The following KIAA1217 variants were observed in gnomAD, a reference collection of about 807,000 sequenced individuals.
The protein encoded by KIAA1217 is KIAA1217, also known as sickle tail protein homolog.
In KIAA1217, 88 loss-of-function variants were observed where a neutral mutation model predicts 163.9. The observed-to-expected ratio is 0.54, with a 90% CI of 0.45 to 0.64. KIAA1217 has a LOEUF of 0.64. KIAA1217 is among the 30% of genes least tolerant of loss of function. The pLI is 0.00. For missense variants in KIAA1217, 2,372 were observed against 2,475.0 expected, an observed-to-expected ratio of 0.96 and a Z score of 0.88; for synonymous variants, 903 against 923.1, an observed-to-expected ratio of 0.98 and a Z score of 0.39.
At chr10:23,915,911 G>T (rs1281574778) in intron 1 of KIAA1217, among the ~76,000 whole-genome samples, 1 of 152,098 alleles carries the variant, frequency 6.6e-6, no homozygotes, top group Non-Finnish European at 1.5e-5. Flanking sequence ...TATGGGGGAA[G>T]GGAGAAGCAC....
At chr10:24,434,098 G>A (rs1160930845) in intron 4 of KIAA1217, among the ~76,000 whole-genome samples, 1 of 134,588 alleles carries the variant, frequency 7.4e-6, no homozygotes, top group Non-Finnish European at 1.5e-5. Flanking sequence ...GTACAATGGT[G>A]CGATCTCCGT....
chr10:23,806,082 T>G (rs2130969935), intron 1 of KIAA1217, among the ~76,000 whole-genome samples: 1 of 150,940 alleles, frequency 6.6e-6, no homozygotes, highest in East Asian at 1.9e-4. Flanking sequence ...ATGATAAAAT[T>G]TTTGTCTATT....
intron 1 of KIAA1217, among the ~76,000 whole-genome samples, chr10:23,769,462 C>A (rs897352819): frequency 4.6e-5 from 7 of 152,222 alleles, no homozygotes; most frequent in African/African-American, 1.2e-4. Context: ...TAATTTCTAA[C>A]CTTTTGGCTA....
intron 2 of KIAA1217, among the ~76,000 whole-genome samples, chr10:24,230,054 A>T (rs1213853730): frequency 6.6e-6 from 1 of 152,202 alleles, no homozygotes; most frequent in Admixed American, 6.5e-5. Context: ...CCTTATGCAA[A>T]CTATGAAGAA....
At chr10:24,209,797 A>C (rs538671645) in intron 1 of KIAA1217, among the ~76,000 whole-genome samples, 157 of 152,370 alleles carry the variant, frequency 1.0e-3, no homozygotes, top group Admixed American at 4.0e-3. Flanking sequence ...GGTGATAGAT[A>C]GAACTCTGGA....
intron 1 of KIAA1217, among the ~76,000 whole-genome samples, chr10:23,712,311 G>T (rs1837309702): frequency 6.6e-6 from 1 of 151,926 alleles, no homozygotes; most frequent in Non-Finnish European, 1.5e-5. Context: ...CAATAACTTA[G>T]AGTTTGCCAA....
chr10:24,319,692 C>T (rs977556311), intron 2 of KIAA1217, among the ~76,000 whole-genome samples: 1 of 152,182 alleles, frequency 6.6e-6, no homozygotes, highest in South Asian at 2.1e-4. Context: ...GAAGACCACC[C>T]CAGGGGTGCG....
chr10:24,028,017 T>C (rs563382600), intron 2 of KIAA1217, among the ~76,000 whole-genome samples: 21 of 152,262 alleles, frequency 1.4e-4, no homozygotes, highest in African/African-American at 4.6e-4. Context: ...ATACATGAGT[T>C]AACATGTGAA....
chr10:24,285,012 T>C (rs906121539), intron 2 of KIAA1217, among the ~76,000 whole-genome samples: 1 of 152,238 alleles, frequency 6.6e-6, no homozygotes, highest in African/African-American at 2.4e-5. Context: ...TTCATATGCT[T>C]GTTGGCCTTA....
chr10:24,066,259 C>T (rs1202469061), intron 2 of KIAA1217, among the ~76,000 whole-genome samples: 2 of 151,430 alleles, frequency 1.3e-5, no homozygotes, highest in Admixed American at 6.6e-5. Flanking sequence ...ACAATTTGGC[C>T]TGTTTTTGCA....
chr10:24,150,388 T>TAA (rs777645176), intron 2 of KIAA1217, among the ~76,000 whole-genome samples: 9 of 152,208 alleles, frequency 5.9e-5, no homozygotes, highest in Non-Finnish European at 1.2e-4. Context: ...AGAATCCGTT[T>TAA]AAGAGAATGA....
At chr10:24,036,452 C>T (rs950954504) in intron 2 of KIAA1217, among the ~76,000 whole-genome samples, 2 of 152,202 alleles carry the variant, frequency 1.3e-5, no homozygotes, top group Non-Finnish European at 2.9e-5. Flanking sequence ...AAAGTCATGG[C>T]AGCTGCATTT....
intron 1 of KIAA1217, among the ~76,000 whole-genome samples, chr10:23,754,591 G>T (rs927122054): frequency 6.6e-6 from 1 of 152,196 alleles, no homozygotes; most frequent in African/African-American, 2.4e-5. Flanking sequence ...GGCAGTGGAT[G>T]CCTAGGCTGC....
chr10:24,143,823 A>C (rs184623639), intron 2 of KIAA1217, among the ~76,000 whole-genome samples: 248 of 151,974 alleles, frequency 1.6e-3, no homozygotes, highest in African/African-American at 5.1e-3. Flanking sequence ...TTAAAAAAAA[A>C]AAAAACAAAA....
intron 5 of KIAA1217, chr10:24,449,685 T>C (rs929858168): frequency 6.1e-6 from 6 of 985,254 alleles, no homozygotes; most frequent in South Asian, 4.7e-5. Flanking sequence ...GCTGAAAGCA[T>C]TGGAGAGAGG....
intron 1 of KIAA1217, among the ~76,000 whole-genome samples, chr10:23,733,773 G>A (rs1298523074): frequency 6.6e-6 from 1 of 151,950 alleles, no homozygotes; most frequent in Non-Finnish European, 1.5e-5. Flanking sequence ...CTGTATAATA[G>A]CTGACACTAG....
chr10:24,520,651 A>AAAAAAAT (rs1554926857), intron 11 of KIAA1217, among the ~76,000 whole-genome samples: 1 of 39,678 alleles, frequency 2.5e-5, no homozygotes, highest in Non-Finnish European at 4.9e-5. Flanking sequence ...AAAAAAAAAA[A>AAAAAAAT]ATATATATAT....
chr10:24,492,373 T>C (rs2066264462), intron 6 of KIAA1217, among the ~76,000 whole-genome samples: 1 of 152,254 alleles, frequency 6.6e-6, no homozygotes, highest in South Asian at 2.1e-4. Context: ...TGAAATGCTA[T>C]ATGGCTGAGA....
At chr10:24,485,822 A>G (rs1592311406) in intron 6 of KIAA1217, among the ~76,000 whole-genome samples, 1 of 152,328 alleles carries the variant, frequency 6.6e-6, no homozygotes, top group East Asian at 1.9e-4. Context: ...TCGATGGTTA[A>G]GGAGCGGAGA....
Sources: gnomAD v4.1 joint callset for allele counts (sites outside exome capture counted in the v4.1 genomes callset) on GRCh38, gnomAD v4.1.1 for gene constraint, MANE v1.5 for transcripts, NCBI Gene and HGNC (gene_info 2026-07-23, HGNC 2026-07-21) for gene names.